The following FSTL5 variants were observed in gnomAD, a reference collection of about 807,000 sequenced individuals.
FSTL5 encodes the protein follistatin-related protein 5.
FSTL5 carries 62 observed loss-of-function variants against 89.1 expected under a neutral mutation model. The ratio of observed to expected loss-of-function variants is 0.70; its 90% CI spans 0.57 to 0.86. The LOEUF is 0.86. Among genes scored for constraint, FSTL5 ranks in the 40% least tolerant of loss-of-function variants. The pLI is 0.00. For synonymous variants in FSTL5, 383 were observed against 346.2 expected (o/e 1.11, Z -1.18); for missense variants, 1,057 against 1,001.6 (o/e 1.06, Z -0.75).
At chr4:161,661,629 T>C (rs1736715242) in intron 6 of FSTL5, among the ~76,000 whole-genome samples, 1 of 152,150 alleles carries the variant, frequency 6.6e-6, no homozygotes, top group Admixed American at 6.6e-5. Flanking sequence ...GATTTCAAAA[T>C]AAATGGTAAT....
At chr4:161,784,662 A>G (rs1579090724) in intron 4 of FSTL5, among the ~76,000 whole-genome samples, 1 of 152,016 alleles carries the variant, frequency 6.6e-6, no homozygotes, top group Admixed American at 6.6e-5. Context: ...TGGAAGGCGG[A>G]GGCGGGTGGA....
At chr4:162,027,026 G>T (rs1027711084) in intron 3 of FSTL5, among the ~76,000 whole-genome samples, 1 of 152,112 alleles carries the variant, frequency 6.6e-6, no homozygotes, top group African/African-American at 2.4e-5. Context: ...GGGAGAGAAA[G>T]ATTATGTGTT....
chr4:161,484,829 G>A (rs1017300885), intron 12 of FSTL5, among the ~76,000 whole-genome samples: 8 of 152,068 alleles, frequency 5.3e-5, no homozygotes, highest in East Asian at 1.9e-4. Context: ...AATTTCTGCC[G>A]CATTTAGCTG....
intron 3 of FSTL5, among the ~76,000 whole-genome samples, chr4:161,964,225 ATCTGCCTGAGGTG>A (rs1735260753): frequency 6.6e-6 from 1 of 152,000 alleles, no homozygotes; most frequent in South Asian, 2.1e-4. Context: ...ATTGGCAGTC[ATCTGCCTGAGGTG>A]GAAAATTTCC....
intron 6 of FSTL5, among the ~76,000 whole-genome samples, chr4:161,710,004 T>C (rs1417911130): frequency 6.6e-6 from 1 of 152,108 alleles, no homozygotes; most frequent in East Asian, 1.9e-4. Flanking sequence ...GATCTCCCTC[T>C]GTCACCCAGG....
chr4:161,485,525 A>G (rs1394903726), intron 12 of FSTL5, among the ~76,000 whole-genome samples: 2 of 152,216 alleles, frequency 1.3e-5, no homozygotes, highest in Non-Finnish European at 1.5e-5. Context: ...ACAAAAAAGT[A>G]TACTATCTTA....
intron 3 of FSTL5, among the ~76,000 whole-genome samples, chr4:161,972,966 A>G (rs879660317): frequency 6.6e-5 from 10 of 152,220 alleles, no homozygotes; most frequent in Non-Finnish European, 1.3e-4. Context: ...AACTGCATAC[A>G]CTGCTTAAAA....
At chr4:161,441,765 G>T (rs1442391842) in intron 15 of FSTL5, among the ~76,000 whole-genome samples, 2 of 152,014 alleles carry the variant, frequency 1.3e-5, no homozygotes, top group Non-Finnish European at 2.9e-5. Context: ...AATCCTAAAT[G>T]AAATAAAATG....
chr4:161,480,908 C>T, intron 13 of FSTL5, 112 bp downstream of exon 13: 1 of 685,050 alleles, frequency 1.5e-6, no homozygotes. Flanking sequence ...TTCTAGTTAT[C>T]CAAGTAAGGA....
At chr4:161,952,408 T>C (rs1405680487) in intron 3 of FSTL5, among the ~76,000 whole-genome samples, 2 of 151,992 alleles carry the variant, frequency 1.3e-5, no homozygotes, top group East Asian at 3.9e-4. Flanking sequence ...TAGACTAATT[T>C]GAGTTCAGCA....
At chr4:161,908,159 C>T (rs1291957920) in intron 4 of FSTL5, among the ~76,000 whole-genome samples, 2 of 151,880 alleles carry the variant, frequency 1.3e-5, no homozygotes, top group Non-Finnish European at 1.5e-5. Context: ...ATATCATTGG[C>T]CATGAATTGA....
At chr4:161,601,230 T>G (rs935888195) in intron 7 of FSTL5, among the ~76,000 whole-genome samples, 1 of 148,536 alleles carries the variant, frequency 6.7e-6, no homozygotes, top group African/African-American at 2.5e-5. Flanking sequence ...TGGTGTTGAG[T>G]AACAGCTCAT....
At chr4:161,971,329 A>G (rs929784187) in intron 3 of FSTL5, among the ~76,000 whole-genome samples, 18 of 152,156 alleles carry the variant, frequency 1.2e-4, no homozygotes, top group African/African-American at 4.3e-4. Context: ...ACTTTAAAAT[A>G]TCAGAAATTT....
chr4:161,714,051 C>A (rs1244737220), intron 6 of FSTL5, among the ~76,000 whole-genome samples: 1 of 152,084 alleles, frequency 6.6e-6, no homozygotes, highest in Non-Finnish European at 1.5e-5. Flanking sequence ...TTTAAATTTT[C>A]TTTCACTGTT....
chr4:161,701,843 T>C (rs1163762300), intron 6 of FSTL5, among the ~76,000 whole-genome samples: 1 of 152,110 alleles, frequency 6.6e-6, no homozygotes, highest in Non-Finnish European at 1.5e-5. Context: ...AGTTCAAAAA[T>C]GGTTTTACTT....
At chr4:162,092,244 G>T (rs985424004) in intron 2 of FSTL5, among the ~76,000 whole-genome samples, 1 of 152,192 alleles carries the variant, frequency 6.6e-6, no homozygotes, top group East Asian at 1.9e-4. Context: ...GTTTCCAGGT[G>T]ATGCTAATGT....
chr4:161,467,457 T>C (rs1481802247), intron 13 of FSTL5, among the ~76,000 whole-genome samples: 2 of 152,126 alleles, frequency 1.3e-5, no homozygotes, highest in African/African-American at 4.8e-5. Context: ...ACTTTGCAGT[T>C]CACTATAAAT....
intron 10 of FSTL5, among the ~76,000 whole-genome samples, chr4:161,521,325 T>G (rs1006517838): frequency 2.6e-5 from 4 of 151,978 alleles, no homozygotes; most frequent in African/African-American, 9.7e-5. Context: ...TCATCCACAG[T>G]GTTTTTTTTT....
At chr4:162,017,693 TTAAAG>T (rs1736953066) in intron 3 of FSTL5, among the ~76,000 whole-genome samples, 3 of 152,190 alleles carry the variant, frequency 2.0e-5, no homozygotes, top group Non-Finnish European at 2.9e-5. Context: ...CAGCAGAACT[TTAAAG>T]TATGTTTGAG....
Sources: gnomAD v4.1 joint callset for allele counts (sites outside exome capture counted in the v4.1 genomes callset) on GRCh38, gnomAD v4.1.1 for gene constraint, MANE v1.5 for transcripts, NCBI Gene and HGNC (gene_info 2026-07-23, HGNC 2026-07-21) for gene names.